Variants in SPHKAP observed in about 807,000 individuals in gnomAD.
The protein encoded by SPHKAP is A-kinase anchor protein SPHKAP.
In SPHKAP, 67 loss-of-function variants were observed where a neutral mutation model predicts 137.5. The observed-to-expected ratio is 0.49, with a 90% confidence interval of 0.40 to 0.60. SPHKAP has a LOEUF of 0.60. Ranked by LOEUF, SPHKAP falls within the 20% of genes least tolerant of loss-of-function variation. SPHKAP has a pLI of 0.00. For synonymous variants in SPHKAP, 813 were observed against 785.3 expected (o/e 1.04, Z -0.59); for missense variants, 2,097 against 2,069.3 (o/e 1.01, Z -0.26).
At chr2:228,098,185 G>A (rs1198999716) in intron 3 of SPHKAP, among the ~76,000 whole-genome samples, 1 of 152,014 alleles carries the variant, frequency 6.6e-6, no homozygotes, top group African/African-American at 2.4e-5. Context: ...TCTGACTAGT[G>A]TGAGATGGTG....
At chr2:228,096,630 CTGTGTGTGTGTGTG>C (rs59745287) in intron 3 of SPHKAP, among the ~76,000 whole-genome samples, 5 of 148,888 alleles carry the variant, frequency 3.4e-5, no homozygotes, top group Non-Finnish European at 3.0e-5. Flanking sequence ...CAGGGGTCAA[CTGTGTGTGTGTGTG>C]TGTGTGTGTG....
chr2:228,139,278 C>T (rs1699522170), intron 1 of SPHKAP, among the ~76,000 whole-genome samples: 5 of 151,956 alleles, frequency 3.3e-5, no homozygotes, highest in Non-Finnish European at 7.4e-5. Flanking sequence ...TCAATTAATG[C>T]TTTTTTATTT....
intron 9 of SPHKAP, 32 bp from the exon 10 acceptor site, chr2:227,991,358 A>C: frequency 6.2e-7 from 1 of 1,613,870 alleles, no homozygotes; most frequent in Non-Finnish European, 8.5e-7. Flanking sequence ...TATGGTTGGT[A>C]ATGTTTAGAA....
chr2:228,031,063 C>A (rs1016703078), intron 3 of SPHKAP, among the ~76,000 whole-genome samples: 1 of 152,188 alleles, frequency 6.6e-6, no homozygotes, highest in Non-Finnish European at 1.5e-5. Context: ...CAAAGGAGGG[C>A]GAGGTGTTGC....
At chr2:228,161,753 A>G (rs1700283321) in intron 1 of SPHKAP, among the ~76,000 whole-genome samples, 1 of 152,144 alleles carries the variant, frequency 6.6e-6, no homozygotes, top group African/African-American at 2.4e-5. Flanking sequence ...TTTGCTTAGA[A>G]GTACAAATCC....
chr2:228,087,156 G>T (rs991443616), intron 3 of SPHKAP, among the ~76,000 whole-genome samples: 6 of 152,140 alleles, frequency 3.9e-5, no homozygotes, highest in Non-Finnish European at 8.8e-5. Flanking sequence ...TGTCATCCTA[G>T]GTGGTTGTAC....
chr2:228,008,363 C>CT (rs894734751), intron 7 of SPHKAP, among the ~76,000 whole-genome samples: 7 of 150,072 alleles, frequency 4.7e-5, no homozygotes, highest in Non-Finnish European at 8.9e-5. Context: ...GTGGTGCAAT[C>CT]TCAGCTCACT....
chr2:228,030,694 A>G (rs1695274286), intron 3 of SPHKAP, among the ~76,000 whole-genome samples: 1 of 151,868 alleles, frequency 6.6e-6, no homozygotes, highest in East Asian at 1.9e-4. Context: ...GGAATATGAT[A>G]TCTAATTGAC....
chr2:228,113,115 A>G (rs1352529229), intron 2 of SPHKAP, among the ~76,000 whole-genome samples: 1 of 152,176 alleles, frequency 6.6e-6, no homozygotes, highest in Middle Eastern at 3.2e-3. Context: ...ACATACATGC[A>G]ACTTTAAAAT....
intron 3 of SPHKAP, among the ~76,000 whole-genome samples, chr2:228,040,678 A>C (rs551306487): frequency 6.6e-6 from 1 of 152,326 alleles, no homozygotes; most frequent in African/African-American, 2.4e-5. Flanking sequence ...ACAAATATCT[A>C]AAATACTAGA....
intron 1 of SPHKAP, among the ~76,000 whole-genome samples, chr2:228,152,402 T>G (rs753124327): frequency 3.3e-5 from 5 of 152,156 alleles, no homozygotes; most frequent in Non-Finnish European, 5.9e-5. Flanking sequence ...TCTAGCAATG[T>G]CTTTCCATTT....
chr2:228,114,825 C>A (rs1559181118), intron 2 of SPHKAP, among the ~76,000 whole-genome samples: 2 of 152,114 alleles, frequency 1.3e-5, no homozygotes, highest in Non-Finnish European at 2.9e-5. Flanking sequence ...TCAACCAATG[C>A]TCATTGAGCT....
intron 9 of SPHKAP, chr2:227,991,909 TTTC>T (rs1693427283): frequency 9.7e-6 from 2 of 206,596 alleles, no homozygotes; most frequent in Non-Finnish European, 1.7e-5. Flanking sequence ...TTTCTTTTTC[TTTC>T]TTCTTATTGG....
chr2:228,031,397 G>A (rs1250454937), intron 3 of SPHKAP, among the ~76,000 whole-genome samples: 1 of 152,232 alleles, frequency 6.6e-6, no homozygotes, highest in African/African-American at 2.4e-5. Flanking sequence ...GCCCACCACA[G>A]CTCAAGGAGG....
At chr2:228,139,638 T>C (rs12617234) in intron 1 of SPHKAP, among the ~76,000 whole-genome samples, 52,101 of 151,992 alleles carry the variant, frequency 0.34, 9,213 homozygotes, top group East Asian at 0.51. Context: ...ACTATAATCC[T>C]TCATTCCGAA....
At chr2:228,047,574 CTTCA>C (rs1036094992) in intron 3 of SPHKAP, among the ~76,000 whole-genome samples, 17 of 152,214 alleles carry the variant, frequency 1.1e-4, no homozygotes, top group African/African-American at 3.9e-4. Flanking sequence ...CCCACAGCTA[CTTCA>C]TTCATTAATT....
chr2:228,123,403 T>A (rs1698971425), intron 2 of SPHKAP, among the ~76,000 whole-genome samples: 1 of 152,192 alleles, frequency 6.6e-6, no homozygotes, highest in African/African-American at 2.4e-5. Context: ...ACTTGAGAGT[T>A]GTTTATACTC....
chr2:228,179,701 G>T lies in SPHKAP; in HGVS notation c.32+1866C>A, dbSNP rs368274593. Among the ~76,000 whole-genome samples the T allele has an allele frequency of 4.6e-5, 7 of 152,258 alleles. No individual in the cohort carries two copies. In the East Asian group the frequency reaches 7.7e-4, roughly 17 times the overall value. On this transcript the variant is annotated intron_variant, in intron 1 of 11. Coordinates refer to ENST00000392056, the MANE Select transcript of SPHKAP (RefSeq NM_001142644.2). ...TAAGCCTATATTAACATTTTGATAG[G>T]CCACTACAAGATACAGAGCAATATC...
Position 228,018,779 on chromosome 2 carries a change from G to T in SPHKAP, c.2075C>A (p.Pro692His), listed in dbSNP as rs1334603102. 6.2e-7 allele frequency: 1 copy of T among 1,614,160 alleles called. No individual in the cohort carries two copies. Among genetic ancestry groups the T allele is most frequent in the African/African-American group, 1.3e-5 (1 of 75,022 alleles). Residue 692 changes from proline (P) to histidine (H), a missense_variant, in exon 7 of 12, where the codon CCC becomes CAC. Physicochemically the swap from Pro to His is moderately conservative, Grantham distance 77. Coordinates refer to ENST00000392056, the MANE Select transcript of SPHKAP (RefSeq NM_001142644.2). ...EVHHKNMIID[P>H]NDNRHSSEIL... The stretch of plus-strand genomic sequence containing the variant: ...TTCAGATGAATGCCTGTTGTCATTG[G>T]GGTCGATTATCATATTTTTGTGGTG...
Sources: allele counts gnomAD v4.1 joint callset (sites outside exome capture counted in the v4.1 genomes callset), GRCh38; gene constraint gnomAD v4.1.1; transcripts MANE v1.5; gene names NCBI Gene and HGNC (gene_info 2026-07-23, HGNC 2026-07-21).